The following MAPK10 variants were observed in gnomAD, a reference collection of about 807,000 sequenced individuals.
The protein encoded by MAPK10 is JNK3 alpha protein kinase.
Under a neutral mutation model 59.3 loss-of-function variants are expected in MAPK10, and 25 were observed. The ratio of observed to expected loss-of-function variants is 0.42; its 90% CI spans 0.31 to 0.59. MAPK10 has a LOEUF of 0.59. Ranked by LOEUF, MAPK10 falls within the 20% of genes least tolerant of loss-of-function variation. The pLI is 0.15. For synonymous variants in MAPK10, 190 were observed against 200.5 expected, an observed-to-expected ratio of 0.95 and a Z score of 0.44; for missense variants, 351 against 568.9, an observed-to-expected ratio of 0.62 and a Z score of 3.90.
chr4:86,575,715 T>C (rs1761831830), intron 1 of MAPK10, among the ~76,000 whole-genome samples: 1 of 151,222 alleles, frequency 6.6e-6, no homozygotes, highest in Non-Finnish European at 1.5e-5. Flanking sequence ...ACTTTTTAAA[T>C]GGTAAAGCAA....
At chr4:86,235,565 T>C (rs1022741933) in intron 2 of MAPK10, among the ~76,000 whole-genome samples, 3 of 152,230 alleles carry the variant, frequency 2.0e-5, no homozygotes, top group Non-Finnish European at 2.9e-5. Context: ...ATAATTGACA[T>C]GTATCACATT....
At chr4:86,379,517 C>T (rs767086677) in intron 1 of MAPK10, among the ~76,000 whole-genome samples, 2 of 152,126 alleles carry the variant, frequency 1.3e-5, no homozygotes, top group Admixed American at 1.3e-4. Flanking sequence ...ATGACGCCCA[C>T]GCTGGAAGGT....
At chr4:86,319,682 C>T (rs1029866724) in intron 2 of MAPK10, among the ~76,000 whole-genome samples, 1 of 152,174 alleles carries the variant, frequency 6.6e-6, no homozygotes, top group African/African-American at 2.4e-5. Context: ...TTCTCAACTC[C>T]AAGGAAACCT....
intron 2 of MAPK10, chr4:86,335,096 AT>A (rs1210536217): frequency 3.9e-5 from 6 of 152,180 alleles, no homozygotes; most frequent in African/African-American, 1.4e-4. Flanking sequence ...ATCTGGGAGA[AT>A]TGACTGTCAA....
intron 2 of MAPK10, among the ~76,000 whole-genome samples, chr4:86,353,908 T>A (rs1201391762): frequency 1.3e-5 from 2 of 152,176 alleles, no homozygotes; most frequent in African/African-American, 4.8e-5. Flanking sequence ...AGTATTTGAT[T>A]TAAAAAGACA....
Position 86,177,911 on chromosome 4 carries a change from A to C in MAPK10, c.66+16425T>G, listed in dbSNP as rs189117265. ...GGAATAAAATATATTTTAATTAACT[A>C]ATCAAGTCATCTAATAATATTTCAT... On this transcript the variant is annotated intron_variant, in intron 3 of 13. Transcript: ENST00000641462. 6.0e-4 allele frequency among the ~76,000 whole-genome samples: 91 copies of C among 152,242 alleles called. 2 individuals are homozygous for C. The highest frequency in any genetic ancestry group is 5.2e-3 in the Admixed American group (80 of 15,272).
rs148421165 is a variant in MAPK10, at chr4:86,481,543, A to G, written c.-263+112367T>C. Reference sequence around the variant, plus strand: ...ACCTCTTAATTAGTCTCCACTAAAAATATTTGGTATTGTTCTCATCCATTA... The same window carrying G: ...ACCTCTTAATTAGTCTCCACTAAAAGTATTTGGTATTGTTCTCATCCATTA... On this transcript the variant is annotated intron_variant, in intron 1 of 4. Coordinates refer to the MAPK10 transcript ENST00000502302. Among the ~76,000 whole-genome samples the G allele has an allele frequency of 7.3e-4, 111 of 152,188 alleles. 1 individual carries two copies. The highest frequency in any genetic ancestry group is 2.6e-3 in the African/African-American group (108 of 41,524).
intron 3 of MAPK10, among the ~76,000 whole-genome samples, chr4:86,177,731 G>T (rs1317261568): frequency 6.6e-6 from 1 of 151,834 alleles, no homozygotes; most frequent in East Asian, 1.9e-4. Context: ...GCTCTTAAAG[G>T]TTACTGCACC....
At chr4:86,096,799 T>A (rs1010647229) in intron 9 of MAPK10, among the ~76,000 whole-genome samples, 4 of 151,994 alleles carry the variant, frequency 2.6e-5, no homozygotes, top group African/African-American at 9.7e-5. Context: ...AAACTATAGA[T>A]AAGTAAAGTG....
intron 4 of MAPK10, among the ~76,000 whole-genome samples, chr4:86,155,209 T>C (rs894626437): frequency 1.5e-4 from 23 of 152,066 alleles, no homozygotes; most frequent in Middle Eastern, 6.8e-3. Flanking sequence ...AAGAAGAATA[T>C]GTGAACACCT....
chr4:86,218,884 A>C (rs547135390), intron 2 of MAPK10, among the ~76,000 whole-genome samples: 26 of 152,310 alleles, frequency 1.7e-4, no homozygotes, highest in African/African-American at 5.8e-4. Context: ...GATTTGTAAA[A>C]ATAATTAACC....
In MAPK10 at chr4:86,532,117, A is replaced by T. The variant is rs185979951; in HGVS notation, c.-263+61793T>A. On this transcript the variant is annotated intron_variant, in intron 1 of 4. Coordinates refer to the MAPK10 transcript ENST00000502302. ...ATACATACATATATATATAATTTTA[A>T]AAGCTCCAGGGCAAAGAAGCTCCCA... Among the ~76,000 whole-genome samples, 344 of 148,720 alleles carry T rather than the reference A, an allele frequency of 2.3e-3. 3 individuals are homozygous for T. The highest frequency in any genetic ancestry group is 3.2e-3 in the Non-Finnish European group (218 of 67,338).
intron 2 of MAPK10, among the ~76,000 whole-genome samples, chr4:86,246,638 A>G (rs1022049562): frequency 6.6e-5 from 10 of 152,158 alleles, no homozygotes; most frequent in African/African-American, 2.4e-4. Context: ...ACATCTAATA[A>G]CTCACTTAAA....
chr4:86,438,692 A>G (rs1238391240), intron 1 of MAPK10, among the ~76,000 whole-genome samples: 1 of 147,440 alleles, frequency 6.8e-6, no homozygotes, highest in Non-Finnish European at 1.5e-5. Context: ...CTCCATCTCA[A>G]AAAAAAAAAA....
At chr4:86,198,995 T>C (rs1284524555) in intron 2 of MAPK10, among the ~76,000 whole-genome samples, 2 of 152,054 alleles carry the variant, frequency 1.3e-5, no homozygotes, top group African/African-American at 4.8e-5. Flanking sequence ...TACTATTTTA[T>C]ATCCTTCAAA....
intron 2 of MAPK10, among the ~76,000 whole-genome samples, chr4:86,293,869 T>C (rs1409222675): frequency 6.6e-6 from 1 of 152,138 alleles, no homozygotes; most frequent in East Asian, 1.9e-4. Flanking sequence ...TCCGCCTCTA[T>C]CTAAACACCT....
intron 1 of MAPK10, among the ~76,000 whole-genome samples, chr4:86,410,190 T>TGATG (rs1289072618): frequency 9.2e-5 from 14 of 152,230 alleles, no homozygotes; most frequent in African/African-American, 3.4e-4. Context: ...TCTGTTTATG[T>TGATG]GATGGATGAT....
At chr4:86,466,369 G>A (rs957896706) in intron 1 of MAPK10, among the ~76,000 whole-genome samples, 1 of 152,192 alleles carries the variant, frequency 6.6e-6, no homozygotes. Flanking sequence ...GAACAAAATG[G>A]TCAGATGGTA....
chr4:86,288,318 T>C (rs2095098205), intron 2 of MAPK10, among the ~76,000 whole-genome samples: 1 of 141,860 alleles, frequency 7.0e-6, no homozygotes, highest in South Asian at 2.5e-4. Flanking sequence ...AAGCTATCCC[T>C]CCTCCCTCCC....
Sources: allele counts gnomAD v4.1 joint callset (sites outside exome capture counted in the v4.1 genomes callset), GRCh38; gene constraint gnomAD v4.1.1; transcripts MANE v1.5; gene names NCBI Gene and HGNC (gene_info 2026-07-23, HGNC 2026-07-21).